The following SMAD2 variants were observed in gnomAD, a reference collection of about 807,000 sequenced individuals.
SMAD2 encodes MAD homolog 2.
In SMAD2, 8 loss-of-function variants were observed where a neutral mutation model predicts 64.4. The observed-to-expected ratio is 0.12, with a 90% CI of 0.07 to 0.22. The LOEUF (loss-of-function observed/expected upper bound fraction) is 0.22, where lower values mean the gene tolerates loss of function less well. SMAD2 is among the 10% of genes least tolerant of loss of function. The pLI is 1.00. For missense variants in SMAD2, 289 were observed against 561.2 expected (o/e 0.51, Z 4.90); for synonymous variants, 203 against 195.8 (o/e 1.04, Z -0.31).
rs534134169 is a variant in SMAD2, at chr18:47,820,321, A to C, written c.*21506T>G. On this transcript the variant is annotated 3_prime_UTR_variant, in exon 11 of 11. Coordinates refer to ENST00000262160, the MANE Select transcript of SMAD2 (RefSeq NM_005901.6). ...AGGTTTTCACTAAAAATTAAGGTTA[A>C]TAAGTTAAAATTTGAAAATACACAA... 6.6e-6 allele frequency: 1 copy of C among 152,196 alleles called. No individual in the cohort carries two copies. The highest frequency in any genetic ancestry group is 1.5e-5 in the Non-Finnish European group (1 of 68,038). The allele number at this position is 152,196 out of a possible 1,614,324, so 9.4% of individuals were successfully genotyped here. A position where few individuals can be genotyped will look rare whatever the true frequency, so the allele number is the denominator to read the frequency against.
intron 6 of SMAD2, among the ~76,000 whole-genome samples, chr18:47,863,614 C>T (rs577457492): frequency 2.0e-5 from 3 of 152,250 alleles, no homozygotes; most frequent in South Asian, 2.1e-4. Context: ...TGTTGCCACA[C>T]GTCATGCTAT....
intron 1 of SMAD2, among the ~76,000 whole-genome samples, chr18:47,915,023 C>G (rs2034280552): frequency 6.6e-6 from 1 of 152,128 alleles, no homozygotes; most frequent in Non-Finnish European, 1.5e-5. Context: ...TTACTTATTT[C>G]TCCAGGTATC....
At chr18:47,876,251 T>A (rs1030120076) in intron 2 of SMAD2, among the ~76,000 whole-genome samples, 3 of 152,042 alleles carry the variant, frequency 2.0e-5, no homozygotes, top group Non-Finnish European at 4.4e-5. Flanking sequence ...CTCTCATGTA[T>A]TGAAAAATAT....
At chr18:47,920,784 T>C (rs1331810627) in intron 1 of SMAD2, among the ~76,000 whole-genome samples, 1 of 152,262 alleles carries the variant, frequency 6.6e-6, no homozygotes, top group Non-Finnish European at 1.5e-5. Context: ...CAAAATGCTA[T>C]ATAAACGAAG....
chr18:47,898,847 T>C (rs1283128780), intron 1 of SMAD2, among the ~76,000 whole-genome samples: 1 of 151,914 alleles, frequency 6.6e-6, no homozygotes, highest in Non-Finnish European at 1.5e-5. Context: ...TGCACTTCCT[T>C]GGCAGCTTGC....
chr18:47,857,831 G>GT (rs2030847977), intron 6 of SMAD2, among the ~76,000 whole-genome samples: 3 of 152,342 alleles, frequency 2.0e-5, no homozygotes, highest in African/African-American at 7.2e-5. Context: ...CATGTCTTTA[G>GT]CTGAGTACAT....
intron 1 of SMAD2, among the ~76,000 whole-genome samples, chr18:47,928,053 C>T (rs929974297): frequency 6.6e-6 from 1 of 152,096 alleles, no homozygotes; most frequent in Non-Finnish European, 1.5e-5. Context: ...CTAAAAATGG[C>T]TCTTCTACAC....
rs948282773 is a variant in SMAD2 at position 47,811,818 on chromosome 18, ATCT to A, written c.*30006_*30008del. On this transcript the variant is annotated 3_prime_UTR_variant, in exon 11 of 11. Transcript: ENST00000262160. The stretch of plus-strand genomic sequence containing the variant: ...ATCACAAGAGAATCAACCAACCTAG[ATCT>A]TCTGAGCACCTGTCAGTCGATCAAG... 3 of 152,250 alleles carry A rather than the reference ATCT, an allele frequency of 2.0e-5. No individual in the cohort carries two copies. Among genetic ancestry groups the A allele is most frequent in the African/African-American group, 4.8e-5 (2 of 41,462 alleles). The allele number at this position is 152,250 out of a possible 1,614,324, so 9.4% of individuals were successfully genotyped here.
intron 1 of SMAD2, among the ~76,000 whole-genome samples, chr18:47,909,480 C>T (rs755028951): frequency 1.3e-5 from 2 of 152,034 alleles, no homozygotes; most frequent in African/African-American, 2.4e-5. Flanking sequence ...TTAATGCAGG[C>T]GCAAGTGCTG....
At position 47,815,536 on chromosome 18, in the gene SMAD2, C is replaced by T. The variant is rs540656201; in HGVS notation, c.*26291G>A. ...CTCACAATTGAGGCCAGGGAACCTA[C>T]ATTTTAGAAGCTCTCCTTCTGACTC... On this transcript the variant is annotated 3_prime_UTR_variant, in exon 11 of 11. Transcript: ENST00000262160. 4 of 152,230 alleles carry T rather than the reference C, an allele frequency of 2.6e-5. No homozygotes were observed. Among genetic ancestry groups the T allele is most frequent in the Admixed American group, 6.5e-5 (1 of 15,288 alleles). 9.4% of individuals were successfully genotyped at this position (152,230 alleles called of 1,614,324 possible). A position where few individuals can be genotyped will look rare whatever the true frequency, so the allele number is the denominator to read the frequency against.
intron 1 of SMAD2, among the ~76,000 whole-genome samples, chr18:47,899,273 CAGA>C (rs1432923941): frequency 6.6e-6 from 1 of 151,908 alleles, no homozygotes; most frequent in African/African-American, 2.4e-5. Flanking sequence ...TATGAAATTC[CAGA>C]AGGAGGTGCC....
intron 1 of SMAD2, among the ~76,000 whole-genome samples, chr18:47,902,748 A>C (rs2033735164): frequency 6.6e-6 from 1 of 152,216 alleles, no homozygotes; most frequent in Non-Finnish European, 1.5e-5. Context: ...GGTCTCTCTG[A>C]ACCAGAGTTG....
intron 2 of SMAD2, among the ~76,000 whole-genome samples, chr18:47,891,826 C>A (rs754781591): frequency 2.7e-4 from 41 of 152,060 alleles, no homozygotes; most frequent in Non-Finnish European, 2.8e-4. Context: ...TAAATAGACA[C>A]GAATTAAATT....
rs66964537 is a variant in SMAD2, at chr18:47,824,028, T to C, written c.*17799A>G. On this transcript the variant is annotated 3_prime_UTR_variant, in exon 11 of 11. Coordinates refer to ENST00000262160, the MANE Select transcript of SMAD2 (RefSeq NM_005901.6). ...GCCCTCAAAGGTGGCTAAAAGGGTT[T>C]TAACACTGACTTTTAGTTGCCAATC... 0.14 allele frequency: 21,178 copies of C among 152,200 alleles called. 1,540 individuals carry two copies. The highest frequency in any genetic ancestry group is 0.25 in the Middle Eastern group (73 of 294). 9.4% of individuals were successfully genotyped at this position (152,200 alleles called of 1,614,324 possible).
chr18:47,864,134 A>G lies in SMAD2; in HGVS notation c.730+925T>C, dbSNP rs574942291. 6.6e-5 allele frequency among the ~76,000 whole-genome samples: 10 copies of G among 152,280 alleles called. No homozygotes were observed. The East Asian group carries it at 1.7e-3, about 26-fold the overall frequency. On this transcript the variant is annotated intron_variant, in intron 6 of 10. Transcript: ENST00000262160. ...TAGTAAAACATATGTGGAAAGTCAA[A>G]TATTATTTGCATTAAGATGTATAAC...
intron 1 of SMAD2, among the ~76,000 whole-genome samples, chr18:47,911,079 TG>T (rs1487640672): frequency 6.5e-4 from 99 of 152,188 alleles, no homozygotes; most frequent in African/African-American, 2.2e-3. Context: ...CTGCCAGGCG[TG>T]GTGGCTCACG....
Position 47,826,844 on chromosome 18 carries a change from T to A in SMAD2, c.*14983A>T, listed in dbSNP as rs1376774419. ...GCCTGGTATTCTAGACTGTGCAGAT[T>A]TAGCCATCTAATACTGAGTACCCAC... On this transcript the variant is annotated 3_prime_UTR_variant, in exon 11 of 11. Transcript: ENST00000262160. 2 of 152,226 alleles carry A rather than the reference T, an allele frequency of 1.3e-5. No individual in the cohort carries two copies. Among genetic ancestry groups the A allele is most frequent in the Non-Finnish European group, 2.9e-5 (2 of 68,032 alleles). The allele number at this position is 152,226 out of a possible 1,614,324, so 9.4% of individuals were successfully genotyped here.
intron 1 of SMAD2, among the ~76,000 whole-genome samples, chr18:47,918,495 A>G (rs2034423826): frequency 6.6e-6 from 1 of 152,224 alleles, no homozygotes; most frequent in South Asian, 2.1e-4. Context: ...GAAAGGAGAC[A>G]AGTTTCACCC....
chr18:47,903,889 G>GGA (rs1555660347), intron 1 of SMAD2, among the ~76,000 whole-genome samples: 18 of 95,854 alleles, frequency 1.9e-4, no homozygotes, highest in African/African-American at 5.1e-4. Context: ...GGGGGGGGGG[G>GGA]ACTCAGAATA....
Sources: allele counts gnomAD v4.1 joint callset (sites outside exome capture counted in the v4.1 genomes callset), GRCh38; gene constraint gnomAD v4.1.1; transcripts MANE v1.5; gene names NCBI Gene and HGNC (gene_info 2026-07-23, HGNC 2026-07-21).